RAD54B: variants seen among roughly 807,000 people sequenced by gnomAD.
The protein encoded by RAD54B is RAD54 homolog B.
Under a neutral mutation model 95.8 loss-of-function variants are expected in RAD54B, and 78 were observed. The ratio of observed to expected loss-of-function variants is 0.81; its 90% CI spans 0.68 to 0.98. RAD54B has a LOEUF of 0.98. Ranked by LOEUF, RAD54B falls within the 50% of genes least tolerant of loss-of-function variation. The pLI, the probability that RAD54B is intolerant of heterozygous loss-of-function variation, is 0.00. For missense variants in RAD54B, 957 were observed against 1,056.6 expected (o/e 0.91, Z 1.31); for synonymous variants, 328 against 354.9 (o/e 0.92, Z 0.85).
At chr8:94,418,463 T>A (rs1369811186) in intron 3 of RAD54B, among the ~76,000 whole-genome samples, 1 of 152,244 alleles carries the variant, frequency 6.6e-6, no homozygotes, top group Non-Finnish European at 1.5e-5. Flanking sequence ...CTATTGTTTT[T>A]AAATTTTCAT....
At chr8:94,436,665 T>C (rs538782409) in intron 3 of RAD54B, 2 of 1,550,590 alleles carry the variant, frequency 1.3e-6, no homozygotes, top group African/African-American at 1.4e-5. Context: ...AAAGGGTGCG[T>C]AGGCCCTGTG....
At chr8:94,465,417 C>T (rs1812999815) in intron 2 of RAD54B, among the ~76,000 whole-genome samples, 1 of 152,152 alleles carries the variant, frequency 6.6e-6, no homozygotes. Flanking sequence ...CTCAGCATTG[C>T]TAGTCATTAA....
chr8:94,455,379 T>C (rs970988866), intron 3 of RAD54B, among the ~76,000 whole-genome samples: 4 of 152,202 alleles, frequency 2.6e-5, no homozygotes, highest in Non-Finnish European at 5.9e-5. Context: ...TTTAAATCTA[T>C]ATAGTTTGAT....
At chr8:94,421,044 C>T (rs1239766223) in intron 3 of RAD54B, among the ~76,000 whole-genome samples, 2 of 141,998 alleles carry the variant, frequency 1.4e-5, no homozygotes, top group Middle Eastern at 3.4e-3. Flanking sequence ...CCATTGTTTC[C>T]ACTTCAAGTA....
chr8:94,379,248 T>G (rs373022198), intron 12 of RAD54B, among the ~76,000 whole-genome samples: 1 of 152,204 alleles, frequency 6.6e-6, no homozygotes, highest in Non-Finnish European at 1.5e-5. Context: ...TGGTGGGGCC[T>G]TGGATCATGT....
chr8:94,401,243 TATAA>T (rs1811263118), intron 6 of RAD54B, among the ~76,000 whole-genome samples: 1 of 152,086 alleles, frequency 6.6e-6, no homozygotes, highest in African/African-American at 2.4e-5. Flanking sequence ...CAATAAATGT[TATAA>T]ATGAGTGTGC....
intron 2 of RAD54B, among the ~76,000 whole-genome samples, chr8:94,460,630 G>T (rs557064375): frequency 6.6e-6 from 1 of 152,136 alleles, no homozygotes; most frequent in African/African-American, 2.4e-5. Context: ...TGGTGGCATT[G>T]AACAACACAA....
At chr8:94,435,513 G>A (rs553989127) in intron 3 of RAD54B, among the ~76,000 whole-genome samples, 6 of 152,042 alleles carry the variant, frequency 3.9e-5, no homozygotes, top group African/African-American at 1.4e-4. Context: ...AGCTTTGTTT[G>A]AAAGGCTCCT....
intron 12 of RAD54B, among the ~76,000 whole-genome samples, chr8:94,379,919 AG>A (rs1157833606): frequency 6.6e-6 from 1 of 152,206 alleles, no homozygotes; most frequent in Non-Finnish European, 1.5e-5. Context: ...TGTGGGATCT[AG>A]AACAAGCTTC....
intron 12 of RAD54B, 72 bp from the exon 13 acceptor site, chr8:94,378,706 G>A: frequency 2.9e-6 from 3 of 1,041,654 alleles, no homozygotes; most frequent in Non-Finnish European, 4.3e-6. Context: ...GCAATTTGCA[G>A]AAATATGTTT....
chr8:94,425,061 C>CAAAAAAAAAA (rs71273335), intron 3 of RAD54B, among the ~76,000 whole-genome samples: 1 of 82,362 alleles, frequency 1.2e-5, no homozygotes, highest in African/African-American at 4.6e-5. Context: ...GACCCCATCT[C>CAAAAAAAAAA]AAAAAAAAAA....
At chr8:94,430,701 T>A (rs1451753630) in intron 3 of RAD54B, 1 of 902,530 alleles carries the variant, frequency 1.1e-6, no homozygotes, top group Non-Finnish European at 1.3e-6. Context: ...GTTGTCTGTA[T>A]AATGTTTTAA....
chr8:94,437,630 A>C (rs937021569), intron 3 of RAD54B, among the ~76,000 whole-genome samples: 6 of 152,200 alleles, frequency 3.9e-5, no homozygotes, highest in African/African-American at 1.4e-4. Flanking sequence ...AAAGCAATGG[A>C]TTATTCTAGC....
chr8:94,405,350 AAAAAG>A (rs1811362766), intron 5 of RAD54B, among the ~76,000 whole-genome samples: 1 of 152,174 alleles, frequency 6.6e-6, no homozygotes. Flanking sequence ...AATTAGATAA[AAAAAG>A]AAAAAAGAAT....
intron 3 of RAD54B, among the ~76,000 whole-genome samples, chr8:94,420,378 C>T (rs375629507): frequency 1.6e-4 from 24 of 150,516 alleles, no homozygotes; most frequent in African/African-American, 5.9e-4. Flanking sequence ...ACCTCAGCAT[C>T]CTGAGTAGCT....
chr8:94,465,586 GAA>G (rs1443089166), intron 2 of RAD54B, among the ~76,000 whole-genome samples: 3 of 152,184 alleles, frequency 2.0e-5, no homozygotes, highest in Non-Finnish European at 2.9e-5. Context: ...GTACAGCTAT[GAA>G]AAACAGTTTG....
chr8:94,425,094 T>C (rs1811911983), intron 3 of RAD54B, among the ~76,000 whole-genome samples: 2 of 148,624 alleles, frequency 1.3e-5, no homozygotes, highest in Non-Finnish European at 3.0e-5. Flanking sequence ...CATAAGGGCA[T>C]GTTTTGATAA....
rs753192297 is a variant in RAD54B, at chr8:94,475,060, T to G, written c.-76A>C. The G allele has an allele frequency of 6.6e-6, 1 of 152,276 alleles. No homozygotes were observed. The highest frequency in any genetic ancestry group is 1.5e-5 in the Non-Finnish European group (1 of 68,116). 9.4% of individuals were successfully genotyped at this position (152,276 alleles called of 1,614,324 possible). ...AAGAAGTCCTTCTGGTAACCAGCTATCCCCTCGCCGCCGGAGAAGCTCAAG... is the reference window on the plus strand; with the variant it reads ...AAGAAGTCCTTCTGGTAACCAGCTAGCCCCTCGCCGCCGGAGAAGCTCAAG... On this transcript the variant is annotated 5_prime_UTR_variant, in exon 1 of 15. Transcript: ENST00000336148.
At chr8:94,424,925 GGTGGTGCA>G (rs1811906122) in intron 3 of RAD54B, among the ~76,000 whole-genome samples, 1 of 151,918 alleles carries the variant, frequency 6.6e-6, no homozygotes, top group African/African-American at 2.4e-5. Flanking sequence ...AGCTGGGCAT[GGTGGTGCA>G]CACCTGTGGT....
Sources: allele counts gnomAD v4.1 joint callset (sites outside exome capture counted in the v4.1 genomes callset), GRCh38; gene constraint gnomAD v4.1.1; transcripts MANE v1.5; gene names NCBI Gene and HGNC (gene_info 2026-07-23, HGNC 2026-07-21).